Variants in TBCA observed in about 807,000 individuals in gnomAD.
TBCA encodes the protein tubulin folding cofactor A, also known as tubulin-specific chaperone A.
In TBCA, 6 loss-of-function variants were observed where a neutral mutation model predicts 15.8. The ratio of observed to expected loss-of-function variants is 0.38; its 90% CI spans 0.21 to 0.75. TBCA has a LOEUF of 0.75. TBCA is among the 30% of genes least tolerant of loss of function. The probability of loss-of-function intolerance (pLI) is 0.46; values close to 1 mark genes in which losing one functional copy is unlikely to be tolerated. For synonymous variants in TBCA, 32 were observed against 42.3 expected (o/e 0.76, Z 0.94); for missense variants, 90 against 131.2 (o/e 0.69, Z 1.53).
intron 2 of TBCA, 95 bp downstream of exon 2, chr5:77,708,147 A>G: frequency 1.3e-6 from 1 of 779,230 alleles, no homozygotes; most frequent in Non-Finnish European, 2.0e-6. Flanking sequence ...AGTAAATAAT[A>G]ATATAATCTC....
rs115364453 is a variant in TBCA at position 77,723,350 on chromosome 5, C to G, written c.54-15003G>C. Among the ~76,000 whole-genome samples the G allele has an allele frequency of 2.9e-3, 438 of 151,762 alleles. 2 individuals carry two copies. Among genetic ancestry groups the G allele is most frequent in the African/African-American group, 1.0e-2 (414 of 41,436 alleles). On this transcript the variant is annotated intron_variant, in intron 1 of 3. Transcript: ENST00000380377. ...TAACCACTTATAATAAAAACTGGGGCCTTGTAGAAACTTGAGTTTATGAAC... is the reference window on the plus strand; with the variant it reads ...TAACCACTTATAATAAAAACTGGGGGCTTGTAGAAACTTGAGTTTATGAAC...
At chr5:77,693,960 C>T (rs1265187429) in intron 2 of TBCA, among the ~76,000 whole-genome samples, 1 of 152,108 alleles carries the variant, frequency 6.6e-6, no homozygotes. Flanking sequence ...TTTTAAAAGG[C>T]TATTTAAAAT....
chr5:77,738,108 T>C (rs1026935930), intron 1 of TBCA, among the ~76,000 whole-genome samples: 2 of 152,230 alleles, frequency 1.3e-5, no homozygotes, highest in Non-Finnish European at 2.9e-5. Context: ...GCCAATATAA[T>C]CTATCACTAT....
intron 1 of TBCA, among the ~76,000 whole-genome samples, chr5:77,754,171 C>CA (rs1157938599): frequency 6.6e-6 from 1 of 152,188 alleles, no homozygotes; most frequent in Non-Finnish European, 1.5e-5. Flanking sequence ...TTGAAGAACC[C>CA]AGTCATTTTA....
chr5:77,760,404 C>A (rs1407956835), intron 1 of TBCA, among the ~76,000 whole-genome samples: 1 of 151,622 alleles, frequency 6.6e-6, no homozygotes, highest in Non-Finnish European at 1.5e-5. Context: ...CTTTCCTTTC[C>A]TTTCCTCCTT....
intron 1 of TBCA, among the ~76,000 whole-genome samples, chr5:77,765,881 CAAAAAAAA>C (rs70997944): frequency 0.26 from 33,365 of 130,506 alleles, 4,457 homozygotes; most frequent in Non-Finnish European, 0.33. Context: ...AAACTAGGGC[CAAAAAAAA>C]AAAAAAAAAA....
rs750664431 is a variant in TBCA at position 77,700,543 on chromosome 5, GC to G, written c.160-7192del. ...GCTATCATATAGCTGATGGCTAAATGCTAAAATTAAAAAATAGAGATCACAC... is the reference window on the plus strand; with the variant it reads ...GCTATCATATAGCTGATGGCTAAATGTAAAATTAAAAAATAGAGATCACAC... On this transcript the variant is annotated intron_variant, in intron 2 of 3. Transcript: ENST00000380377. Among the ~76,000 whole-genome samples, 4 of 152,278 alleles carry G rather than the reference GC, an allele frequency of 2.6e-5. No individual in the cohort carries two copies. In the East Asian group the frequency reaches 5.8e-4, roughly 22 times the overall value.
At chr5:77,739,373 G>A (rs929043094) in intron 1 of TBCA, among the ~76,000 whole-genome samples, 2 of 152,046 alleles carry the variant, frequency 1.3e-5, no homozygotes, top group Non-Finnish European at 2.9e-5. Flanking sequence ...AGGCACGAGC[G>A]TCGCTTGAAC....
intron 1 of TBCA, among the ~76,000 whole-genome samples, chr5:77,726,904 ATTC>A (rs1746640840): frequency 6.6e-6 from 1 of 152,148 alleles, no homozygotes; most frequent in African/African-American, 2.4e-5. Flanking sequence ...GTAAGAAGAG[ATTC>A]TTGTTGGACC....
intron 1 of TBCA, among the ~76,000 whole-genome samples, chr5:77,719,566 A>G (rs1746482469): frequency 6.6e-6 from 1 of 152,226 alleles, no homozygotes; most frequent in Non-Finnish European, 1.5e-5. Flanking sequence ...ATTAAACTGG[A>G]GACAGTTCAA....
chr5:77,709,953 G>A (rs1580099154), intron 1 of TBCA, among the ~76,000 whole-genome samples: 1 of 152,204 alleles, frequency 6.6e-6, no homozygotes, highest in East Asian at 1.9e-4. Flanking sequence ...TCCAGAACGG[G>A]CAAATCTATA....
chr5:77,718,363 G>C (rs1746451455), intron 1 of TBCA, among the ~76,000 whole-genome samples: 1 of 152,154 alleles, frequency 6.6e-6, no homozygotes, highest in South Asian at 2.1e-4. Flanking sequence ...ACCATTATGG[G>C]GTAAGAAGTT....
chr5:77,743,516 T>C, intron 1 of TBCA, among the ~76,000 whole-genome samples: 1 of 152,130 alleles, frequency 6.6e-6, no homozygotes, highest in Admixed American at 6.5e-5. Flanking sequence ...AACCTAGACT[T>C]CCCTGCAGTT....
intron 1 of TBCA, among the ~76,000 whole-genome samples, chr5:77,720,173 A>G (rs750897670): frequency 6.6e-6 from 1 of 151,980 alleles, no homozygotes; most frequent in Non-Finnish European, 1.5e-5. Flanking sequence ...TCATCTCACA[A>G]CCTTTGCGGT....
intron 2 of TBCA, among the ~76,000 whole-genome samples, chr5:77,706,506 T>C (rs145689362): frequency 6.6e-6 from 1 of 151,244 alleles, no homozygotes; most frequent in East Asian, 1.9e-4. Flanking sequence ...GAGAGAAAAA[T>C]AGAGAGAGTA....
chr5:77,756,624 A>G (rs1747482383), intron 1 of TBCA, among the ~76,000 whole-genome samples: 1 of 145,230 alleles, frequency 6.9e-6, no homozygotes. Context: ...ACAACTTCCT[A>G]AGAGGAAAAA....
intron 1 of TBCA, among the ~76,000 whole-genome samples, chr5:77,709,735 T>C (rs768175156): frequency 6.6e-6 from 1 of 152,164 alleles, no homozygotes; most frequent in Non-Finnish European, 1.5e-5. Flanking sequence ...TCTATGGATG[T>C]TTACAGCAAC....
intron 1 of TBCA, among the ~76,000 whole-genome samples, chr5:77,774,175 C>T (rs1747970434): frequency 6.6e-6 from 1 of 152,170 alleles, no homozygotes; most frequent in South Asian, 2.1e-4. Context: ...ACACCAAATT[C>T]CAGCTTTACT....
intron 2 of TBCA, chr5:77,694,326 A>T (rs1320352974): frequency 6.6e-6 from 1 of 152,208 alleles, no homozygotes; most frequent in Non-Finnish European, 1.5e-5. Flanking sequence ...CACCCCTCTG[A>T]ATCTAAACTT....
Sources: allele counts gnomAD v4.1 joint callset (sites outside exome capture counted in the v4.1 genomes callset), GRCh38; gene constraint gnomAD v4.1.1; transcripts MANE v1.5; gene names NCBI Gene and HGNC (gene_info 2026-07-23, HGNC 2026-07-21).